Variants in GRID1 observed in about 807,000 individuals in gnomAD.
GRID1 encodes the protein glutamate ionotropic receptor delta type subunit 1, also known as glutamate receptor ionotropic, delta-1.
Under a neutral mutation model 98.0 loss-of-function variants are expected in GRID1, and 28 were observed. That is an observed-to-expected ratio of 0.29 (90% CI 0.21 to 0.39). GRID1 has a LOEUF of 0.39. GRID1 is among the 10% of genes least tolerant of loss of function. The pLI, the probability that GRID1 is intolerant of heterozygous loss-of-function variation, is 1.00. For missense variants in GRID1, 1,111 were observed against 1,340.5 expected, an observed-to-expected ratio of 0.83 and a Z score of 2.67; for synonymous variants, 553 against 538.5, an observed-to-expected ratio of 1.03 and a Z score of -0.37.
At chr10:86,335,273 T>C (rs747580955) in intron 2 of GRID1, among the ~76,000 whole-genome samples, 1 of 152,238 alleles carries the variant, frequency 6.6e-6, no homozygotes, top group Non-Finnish European at 1.5e-5. Context: ...TGCTGGGCAC[T>C]CTGTGGGGTA....
Position 85,802,520 on chromosome 10 carries a change from T to C in GRID1, c.1233+51976A>G, listed in dbSNP as rs115606202. Among the ~76,000 whole-genome samples, 924 of 152,096 alleles carry C rather than the reference T, an allele frequency of 6.1e-3. 7 individuals carry two copies. Among genetic ancestry groups the C allele is most frequent in the African/African-American group, 0.021 (854 of 41,524 alleles). On this transcript the variant is annotated intron_variant, in intron 8 of 15. Coordinates refer to ENST00000327946, the MANE Select transcript of GRID1 (RefSeq NM_017551.3). ...AATAGAACTGTGGTAAAATGCTTAT[T>C]CGTAACCTTTTAAAAATGAAATTGT...
intron 2 of GRID1, among the ~76,000 whole-genome samples, chr10:86,209,985 A>G (rs1846084527): frequency 6.6e-6 from 1 of 152,100 alleles, no homozygotes; most frequent in African/African-American, 2.4e-5. Context: ...ACACCCCACA[A>G]GCCAGCCCCT....
At chr10:85,857,857 A>G (rs763382225) in intron 6 of GRID1, among the ~76,000 whole-genome samples, 5 of 151,734 alleles carry the variant, frequency 3.3e-5, no homozygotes, top group Admixed American at 6.6e-5. Context: ...GTACCACAAC[A>G]CCTCTGTGCC....
chr10:86,273,736 C>T (rs1437857533), intron 2 of GRID1, among the ~76,000 whole-genome samples: 1 of 152,090 alleles, frequency 6.6e-6, no homozygotes, highest in Non-Finnish European at 1.5e-5. Flanking sequence ...TGTTCATATC[C>T]TTCGCCCACT....
intron 4 of GRID1, among the ~76,000 whole-genome samples, chr10:85,923,317 C>T (rs1841731300): frequency 1.3e-5 from 2 of 152,170 alleles, no homozygotes; most frequent in Admixed American, 1.3e-4. Flanking sequence ...CAATCACTCC[C>T]AGCTCTAGGA....
In GRID1 at chr10:85,613,623, C is replaced by G; in HGVS notation, c.2385G>C (p.Gly795=). ...SQRILELQDT[G]DLDVLKQKWW... ...ACTTCTGCTTCAGCACATCCAGGTCCCCTGTGTCCTGCAGCTCCAGGATCC... is the reference window on the plus strand; with the variant it reads ...ACTTCTGCTTCAGCACATCCAGGTCGCCTGTGTCCTGCAGCTCCAGGATCC... Residue 795 remains glycine (G), a synonymous_variant, in exon 15 of 16, where the codon GGG becomes GGC. Coordinates refer to ENST00000327946, the MANE Select transcript of GRID1 (RefSeq NM_017551.3). 2 of 1,613,966 alleles carry G rather than the reference C, an allele frequency of 1.2e-6. No homozygotes were observed. The highest frequency in any genetic ancestry group is 1.7e-6 in the Non-Finnish European group (2 of 1,179,870).
chr10:86,334,642 T>A (rs549640370), intron 2 of GRID1, among the ~76,000 whole-genome samples: 7 of 152,242 alleles, frequency 4.6e-5, no homozygotes, highest in Non-Finnish European at 7.3e-5. Flanking sequence ...AACCCAATTC[T>A]GACTTTCATC....
intron 12 of GRID1, among the ~76,000 whole-genome samples, chr10:85,663,948 A>T (rs887792082): frequency 2.0e-5 from 3 of 152,332 alleles, no homozygotes; most frequent in African/African-American, 7.2e-5. Context: ...ATAAATGAAT[A>T]GATGAGTCAA....
intron 8 of GRID1, among the ~76,000 whole-genome samples, chr10:85,759,740 G>A (rs185798521): frequency 7.2e-4 from 109 of 152,314 alleles, no homozygotes; most frequent in African/African-American, 2.6e-3. Flanking sequence ...TAATTTCCAA[G>A]GGAAACTATT....
intron 2 of GRID1, among the ~76,000 whole-genome samples, chr10:86,230,704 C>T (rs1340746810): frequency 6.6e-6 from 1 of 152,216 alleles, no homozygotes; most frequent in Non-Finnish European, 1.5e-5. Flanking sequence ...AATTCCTACT[C>T]ATACTTCAAG....
At chr10:85,928,736 C>T (rs182887716) in intron 4 of GRID1, among the ~76,000 whole-genome samples, 103 of 152,344 alleles carry the variant, frequency 6.8e-4, no homozygotes, top group Non-Finnish European at 1.3e-3. Context: ...TCAGGGGGTT[C>T]CCAGGCCTCA....
intron 8 of GRID1, among the ~76,000 whole-genome samples, chr10:85,820,218 T>C (rs1842757268): frequency 6.7e-6 from 1 of 149,658 alleles, no homozygotes; most frequent in Non-Finnish European, 1.5e-5. Context: ...AGGAGCTTTC[T>C]ACAAAATACC....
At chr10:85,709,009 CAA>C (rs1315044079) in intron 12 of GRID1, 1 of 272,900 alleles carries the variant, frequency 3.7e-6, no homozygotes, top group Non-Finnish European at 7.6e-6. Flanking sequence ...AAAATTTCCT[CAA>C]GTTAAAAACT....
intron 2 of GRID1, among the ~76,000 whole-genome samples, chr10:86,294,858 T>G (rs1285216873): frequency 6.6e-6 from 1 of 152,098 alleles, no homozygotes; most frequent in Admixed American, 6.5e-5. Context: ...TGCCAGTGTT[T>G]TGAGGTCGGG....
At position 86,137,042 on chromosome 10, in the gene GRID1, C is replaced by A. The variant is rs987828528; in HGVS notation, c.726+1777G>T. The stretch of plus-strand genomic sequence containing the variant: ...CCTTCCCCATTCCCATCACACCCAG[C>A]AATGCAAGCAGGACAAAGCAAGCCC... On this transcript the variant is annotated intron_variant, in intron 4 of 15. Coordinates refer to ENST00000327946, the MANE Select transcript of GRID1 (RefSeq NM_017551.3). Among the ~76,000 whole-genome samples, 4 of 152,060 alleles carry A rather than the reference C, an allele frequency of 2.6e-5. No individual in the cohort carries two copies. In the East Asian group the frequency reaches 7.7e-4, roughly 29 times the overall value.
At chr10:85,833,451 T>C (rs1361461619) in intron 8 of GRID1, among the ~76,000 whole-genome samples, 1 of 150,526 alleles carries the variant, frequency 6.6e-6, no homozygotes, top group Non-Finnish European at 1.5e-5. Context: ...TAAAATTAAG[T>C]AGTCACTGAA....
intron 2 of GRID1, among the ~76,000 whole-genome samples, chr10:86,360,947 T>C (rs1288535050): frequency 1.3e-5 from 2 of 152,338 alleles, no homozygotes; most frequent in East Asian, 3.9e-4. Context: ...ACTGTGGGCT[T>C]GTCCAGTCAA....
At chr10:85,972,660 C>T (rs1419455219) in intron 4 of GRID1, among the ~76,000 whole-genome samples, 3 of 151,910 alleles carry the variant, frequency 2.0e-5, no homozygotes, top group Admixed American at 2.0e-4. Context: ...ATTCCCTACA[C>T]TGAACATTTA....
intron 8 of GRID1, among the ~76,000 whole-genome samples, chr10:85,802,715 CA>C (rs36012086): frequency 0.064 from 9,491 of 149,274 alleles, 370 homozygotes; most frequent in Non-Finnish European, 0.082. Flanking sequence ...AATAAATATA[CA>C]AAAAAAAACT....
Sources: allele counts gnomAD v4.1 joint callset (sites outside exome capture counted in the v4.1 genomes callset), GRCh38; gene constraint gnomAD v4.1.1; transcripts MANE v1.5; gene names NCBI Gene and HGNC (gene_info 2026-07-23, HGNC 2026-07-21).